ABLIM1: variants seen among roughly 807,000 people sequenced by gnomAD.
ABLIM1 encodes actin binding LIM protein 1.
Under a neutral mutation model 107.0 loss-of-function variants are expected in ABLIM1, and 40 were observed. The ratio of observed to expected loss-of-function variants is 0.37; its 90% confidence interval spans 0.29 to 0.49. The LOEUF (loss-of-function observed/expected upper bound fraction) is 0.49, where lower values mean the gene tolerates loss of function less well. ABLIM1 is among the 20% of genes least tolerant of loss of function. ABLIM1 has a pLI of 0.97. For synonymous variants in ABLIM1, 357 were observed against 357.3 expected, an observed-to-expected ratio of 1.00 and a Z score of 0.01; for missense variants, 857 against 1,008.5, an observed-to-expected ratio of 0.85 and a Z score of 2.04.
chr10:114,765,197 C>T (rs1304027956), intron 1 of ABLIM1, among the ~76,000 whole-genome samples: 1 of 151,988 alleles, frequency 6.6e-6, no homozygotes, highest in African/African-American at 2.4e-5. Context: ...CAGGCATGCG[C>T]CACCATGCCC....
intron 1 of ABLIM1, among the ~76,000 whole-genome samples, chr10:114,719,641 G>C (rs2081792886): frequency 6.6e-6 from 1 of 152,166 alleles, no homozygotes; most frequent in Admixed American, 6.5e-5. Flanking sequence ...TCACACAGCT[G>C]ACCTTAGGAA....
At chr10:114,727,816 A>G (rs2081992059) in intron 1 of ABLIM1, among the ~76,000 whole-genome samples, 1 of 152,152 alleles carries the variant, frequency 6.6e-6, no homozygotes, top group Non-Finnish European at 1.5e-5. Context: ...TTAGCCAGGC[A>G]TGGTGGCTCA....
At chr10:114,442,858 TG>T (rs1329003349) in intron 17 of ABLIM1, among the ~76,000 whole-genome samples, 52 of 145,998 alleles carry the variant, frequency 3.6e-4, no homozygotes, top group African/African-American at 8.7e-4. Context: ...TTTTTTTTTT[TG>T]AGACAGAGTC....
the ABLIM1 span, chr10:114,779,512 T>A: frequency 6.6e-6 from 1 of 152,256 alleles, no homozygotes; most frequent in African/African-American, 2.4e-5. Context: ...TACTATTTGA[T>A]GGGTATCTTT....
intron 2 of ABLIM1, among the ~76,000 whole-genome samples, chr10:114,584,776 C>G (rs1314464303): frequency 6.6e-6 from 1 of 152,156 alleles, no homozygotes; most frequent in Non-Finnish European, 1.5e-5. Flanking sequence ...ACGGGCCCCA[C>G]AGCCAGGCAT....
At chr10:114,790,886 C>T in the ABLIM1 span, among the ~76,000 whole-genome samples, 1 of 152,154 alleles carries the variant, frequency 6.6e-6, no homozygotes, top group Non-Finnish European at 1.5e-5. Context: ...GCTTCAAGGA[C>T]ACACAAATGC....
intron 1 of ABLIM1, among the ~76,000 whole-genome samples, chr10:114,713,470 T>A (rs914074171): frequency 1.3e-5 from 2 of 152,094 alleles, no homozygotes; most frequent in Admixed American, 6.6e-5. Context: ...AAGTGCAAGA[T>A]GAAGAGAAAG....
intron 1 of ABLIM1, among the ~76,000 whole-genome samples, chr10:114,738,291 C>A (rs564411456): frequency 2.6e-5 from 4 of 152,156 alleles, no homozygotes; most frequent in Middle Eastern, 3.2e-3. Flanking sequence ...TTCAAGTGAT[C>A]CACCCACCTT....
intron 1 of ABLIM1, among the ~76,000 whole-genome samples, chr10:114,697,720 C>A (rs2081225850): frequency 6.6e-6 from 1 of 152,154 alleles, no homozygotes; most frequent in African/African-American, 2.4e-5. Context: ...ACTTAGATAG[C>A]CCTAATTTTC....
chr10:114,676,032 A>G (rs2080466225), intron 1 of ABLIM1, among the ~76,000 whole-genome samples: 1 of 152,218 alleles, frequency 6.6e-6, no homozygotes, highest in African/African-American at 2.4e-5. Flanking sequence ...TGATCCAAAT[A>G]AGGTCACAGT....
intron 1 of ABLIM1, among the ~76,000 whole-genome samples, chr10:114,759,833 G>T (rs1321340251): frequency 2.6e-5 from 4 of 152,148 alleles, no homozygotes; most frequent in Non-Finnish European, 5.9e-5. Context: ...TCCTAGGATA[G>T]CCCCAGTATA....
chr10:114,547,303 T>C (rs2067481247), intron 5 of ABLIM1, among the ~76,000 whole-genome samples: 1 of 152,158 alleles, frequency 6.6e-6, no homozygotes, highest in Non-Finnish European at 1.5e-5. Context: ...TCTATGAATG[T>C]ACTCCAGCCC....
chr10:114,481,325 C>G (rs1476944674), intron 8 of ABLIM1, among the ~76,000 whole-genome samples: 1 of 151,568 alleles, frequency 6.6e-6, no homozygotes, highest in Non-Finnish European at 1.5e-5. Flanking sequence ...CAACTATATT[C>G]ATCTAATTTG....
chr10:114,767,189 A>T (rs964938763), intron 1 of ABLIM1, among the ~76,000 whole-genome samples: 1 of 152,220 alleles, frequency 6.6e-6, no homozygotes, highest in African/African-American at 2.4e-5. Flanking sequence ...TTCGGAGTTT[A>T]AAATAAAAAA....
chr10:114,724,336 T>A (rs1390721311), intron 1 of ABLIM1, among the ~76,000 whole-genome samples: 1 of 152,078 alleles, frequency 6.6e-6, no homozygotes. Context: ...AGAATATAGA[T>A]GAAAGTATGA....
intron 6 of ABLIM1, among the ~76,000 whole-genome samples, chr10:114,532,513 C>T (rs765517751): frequency 1.3e-5 from 2 of 152,230 alleles, no homozygotes; most frequent in African/African-American, 4.8e-5. Context: ...TGGTGGCAGA[C>T]CCCTCAGCGC....
chr10:114,552,946 C>G lies in ABLIM1; in HGVS notation c.674-5170G>C, dbSNP rs184217971. Among the ~76,000 whole-genome samples the G allele has an allele frequency of 2.0e-5, 3 of 152,230 alleles. No homozygotes were observed. In the East Asian group the frequency reaches 5.8e-4, roughly 29 times the overall value. On this transcript the variant is annotated intron_variant, in intron 4 of 22. Transcript: ENST00000533213. Reference sequence around the variant, plus strand: ...CAAGCACTTCAGTGCTCAGACATCCCAGAGCTATGAAAGAAGCAAAGACAC... The same window carrying G: ...CAAGCACTTCAGTGCTCAGACATCCGAGAGCTATGAAAGAAGCAAAGACAC...
chr10:114,698,311 A>G (rs1566250447), intron 1 of ABLIM1, among the ~76,000 whole-genome samples: 1 of 151,912 alleles, frequency 6.6e-6, no homozygotes, highest in Non-Finnish European at 1.5e-5. Flanking sequence ...AAAAATAACA[A>G]TTATGAAAAT....
chr10:114,604,064 C>G (rs1361429811), intron 1 of ABLIM1, among the ~76,000 whole-genome samples: 1 of 151,942 alleles, frequency 6.6e-6, no homozygotes, highest in Non-Finnish European at 1.5e-5. Context: ...TATTTATTGG[C>G]ATCTACTAAA....
Sources: gnomAD v4.1 joint callset for allele counts (sites outside exome capture counted in the v4.1 genomes callset) on GRCh38, gnomAD v4.1.1 for gene constraint, MANE v1.5 for transcripts, NCBI Gene and HGNC (gene_info 2026-07-23, HGNC 2026-07-21) for gene names.